Variants in HECW1 observed in about 807,000 individuals in gnomAD.
HECW1 encodes the protein E3 ubiquitin-protein ligase HECW1.
A neutral mutation model predicts 182.3 loss-of-function variants in HECW1; 61 were observed. The ratio of observed to expected loss-of-function variants is 0.33; its 90% CI spans 0.27 to 0.41. The LOEUF (loss-of-function observed/expected upper bound fraction) is 0.41. HECW1 is among the 10% of genes least tolerant of loss of function. HECW1 has a pLI of 1.00. For missense variants in HECW1, 1,739 were observed against 2,108.9 expected (o/e 0.82, Z 3.44); for synonymous variants, 859 against 832.6 (o/e 1.03, Z -0.55).
At chr7:43,257,847 TAAG>T (rs144613014) in intron 3 of HECW1, among the ~76,000 whole-genome samples, 31,561 of 151,974 alleles carry the variant, frequency 0.21, 3,630 homozygotes, top group Middle Eastern at 0.38. Context: ...CAATTAGAAA[TAAG>T]AAGAAGAATA....
At chr7:43,187,943 T>G (rs1483980669) in intron 2 of HECW1, among the ~76,000 whole-genome samples, 1 of 152,204 alleles carries the variant, frequency 6.6e-6, no homozygotes, top group East Asian at 1.9e-4. Context: ...AGGCACTAAA[T>G]GGCTGAATGT....
At position 43,407,708 on chromosome 7, in the gene HECW1, G is replaced by A. The variant is rs201297726; in HGVS notation, c.778G>A (p.Val260Met). 17 of 1,612,822 alleles carry A rather than the reference G, an allele frequency of 1.1e-5. No individual in the cohort carries two copies. Among genetic ancestry groups the A allele is most frequent in the Admixed American group, 1.0e-4 (6 of 59,928 alleles). The part of the protein sequence containing the change: ...ERRSKIIGNT[V>M]NPIWQAEQFS... ...GAGATCCAAGATCATAGGCAACACCGTGAACCCCATCTGGCAGGCCGAGGT... is the reference window on the plus strand; with the variant it reads ...GAGATCCAAGATCATAGGCAACACCATGAACCCCATCTGGCAGGCCGAGGT... Residue 260 changes from valine to methionine, a missense_variant, in exon 8 of 30, where the codon GTG becomes ATG. Transcript: ENST00000395891.
At chr7:43,244,234 C>T (rs1020678560) in intron 3 of HECW1, among the ~76,000 whole-genome samples, 4 of 152,190 alleles carry the variant, frequency 2.6e-5, no homozygotes, top group Non-Finnish European at 4.4e-5. Context: ...GATGCTACTT[C>T]CAGAATTACA....
intron 3 of HECW1, among the ~76,000 whole-genome samples, chr7:43,298,975 A>G (rs967014956): frequency 1.1e-4 from 17 of 152,258 alleles, no homozygotes; most frequent in Admixed American, 3.3e-4. Flanking sequence ...TCAAATGAAA[A>G]GGAAATTCTA....
At chr7:43,197,148 G>T (rs1352141189) in intron 2 of HECW1, among the ~76,000 whole-genome samples, 1 of 151,868 alleles carries the variant, frequency 6.6e-6, no homozygotes, top group Non-Finnish European at 1.5e-5. Context: ...ATCCAAAAGA[G>T]AATTTATAGA....
At chr7:43,217,816 A>T (rs1265462583) in intron 2 of HECW1, among the ~76,000 whole-genome samples, 1 of 152,212 alleles carries the variant, frequency 6.6e-6, no homozygotes, top group Non-Finnish European at 1.5e-5. Context: ...AATTATCAGG[A>T]AAGGAACTAT....
At chr7:43,237,891 G>A (rs550221582) in intron 2 of HECW1, among the ~76,000 whole-genome samples, 1 of 151,404 alleles carries the variant, frequency 6.6e-6, no homozygotes, top group Admixed American at 6.6e-5. Flanking sequence ...TAGTCTGCTT[G>A]CATATCCATG....
At chr7:43,505,332 C>A (rs2079533131) in intron 21 of HECW1, among the ~76,000 whole-genome samples, 1 of 152,194 alleles carries the variant, frequency 6.6e-6, no homozygotes, top group African/African-American at 2.4e-5. Flanking sequence ...CTCCTCTCTG[C>A]CCACTTCACT....
At position 43,187,199 on chromosome 7, in the gene HECW1, C is replaced by G. The variant is rs780460112; in HGVS notation, c.-31-56676C>G. On this transcript the variant is annotated intron_variant, in intron 2 of 29. Transcript: ENST00000395891. The stretch of plus-strand genomic sequence containing the variant: ...AGTTGCCCTCACAACATGGCAGATG[C>G]CTCTTCCAGAGCAAATGATCACAGA... Among the ~76,000 whole-genome samples, 3 of 152,324 alleles carry G rather than the reference C, an allele frequency of 2.0e-5. No individual in the cohort carries two copies. The South Asian group carries it at 6.2e-4, about 32-fold the overall frequency.
At position 43,258,926 on chromosome 7, in the gene HECW1, G is replaced by GT. The variant is rs201738695; in HGVS notation, c.27+15002dup. Among the ~76,000 whole-genome samples the GT allele has an allele frequency of 5.7e-3, 866 of 151,738 alleles. 7 individuals are homozygous for GT. The highest frequency in any genetic ancestry group is 0.02 in the African/African-American group (829 of 41,392). On this transcript the variant is annotated intron_variant, in intron 3 of 29. Transcript: ENST00000395891. ...AGCAGTGGGAAGTGCACCCCAGTTT[G>GT]TTTTTTTTGTTTTGTTTTGTTTTGT...
intron 9 of HECW1, among the ~76,000 whole-genome samples, chr7:43,441,538 G>A (rs1327584793): frequency 1.4e-5 from 2 of 138,120 alleles, no homozygotes; most frequent in African/African-American, 2.5e-5. Flanking sequence ...AAGGACATCC[G>A]TGTCTTTTTT....
chr7:43,390,072 A>G (rs954440259), intron 6 of HECW1, among the ~76,000 whole-genome samples: 4 of 152,312 alleles, frequency 2.6e-5, no homozygotes, highest in African/African-American at 2.4e-5. Context: ...ATTATTTCCA[A>G]TTCGCACCAT....
chr7:43,374,799 A>AAAAAAAAAC (rs1303274874), intron 6 of HECW1, among the ~76,000 whole-genome samples: 2 of 54,072 alleles, frequency 3.7e-5, no homozygotes, highest in African/African-American at 1.7e-4. Flanking sequence ...AAAAAAAAAA[A>AAAAAAAAAC]ATAGAGAAAT....
At position 43,432,306 on chromosome 7, in the gene HECW1, A is replaced by AT. The variant is rs940469403; in HGVS notation, c.802-5691dup. On this transcript the variant is annotated intron_variant, in intron 8 of 29. Coordinates refer to ENST00000395891, the MANE Select transcript of HECW1 (RefSeq NM_015052.5). The surrounding 1 kb of genome is among the most constrained non-coding windows in gnomAD (Gnocchi z 4.1). ...AGGCGCCCGCCACTACACCCGGCTA[A>AT]TTTTTTGTATTTTTAGTAGAGACGG... Among the ~76,000 whole-genome samples the AT allele has an allele frequency of 6.7e-6, 1 of 149,812 alleles. No homozygotes were observed. Among genetic ancestry groups the AT allele is most frequent in the Non-Finnish European group, 1.5e-5 (1 of 67,598 alleles).
At chr7:43,456,017 A>AG (rs1489632678) in intron 12 of HECW1, among the ~76,000 whole-genome samples, 2 of 152,110 alleles carry the variant, frequency 1.3e-5, no homozygotes, top group Non-Finnish European at 2.9e-5. Flanking sequence ...AAAAAAAAAA[A>AG]GAAAGTATTA....
At chr7:43,273,530 A>G (rs764420612) in intron 3 of HECW1, among the ~76,000 whole-genome samples, 30 of 152,182 alleles carry the variant, frequency 2.0e-4, no homozygotes, top group Non-Finnish European at 3.5e-4. Context: ...ACTTTGAAAA[A>G]AACTTTAAGA....
At chr7:43,152,153 T>A (rs899399808) in intron 2 of HECW1, among the ~76,000 whole-genome samples, 1 of 152,176 alleles carries the variant, frequency 6.6e-6, no homozygotes, top group Non-Finnish European at 1.5e-5. Context: ...GAAATATACT[T>A]TGAGATGTGA....
intron 2 of HECW1, among the ~76,000 whole-genome samples, chr7:43,143,532 C>T (rs1489251596): frequency 2.0e-5 from 3 of 152,158 alleles, no homozygotes. Context: ...GAAATCCTCC[C>T]ACCTCAGCCT....
At chr7:43,145,647 A>G (rs538903784) in intron 2 of HECW1, among the ~76,000 whole-genome samples, 1 of 152,242 alleles carries the variant, frequency 6.6e-6, no homozygotes, top group Admixed American at 6.5e-5. Context: ...AGGTCTAGAG[A>G]ATATGTCTCT....
Sources: gnomAD v4.1 joint callset for allele counts (sites outside exome capture counted in the v4.1 genomes callset) on GRCh38, gnomAD v4.1.1 for gene constraint, Gnocchi (gnomAD v3.1) non-coding constraint, MANE v1.5 for transcripts, NCBI Gene and HGNC (gene_info 2026-07-23, HGNC 2026-07-21) for gene names.